Variants in PREPL observed in about 807,000 individuals in gnomAD.
PREPL encodes prolyl endopeptidase like, also known as prolyl endopeptidase-like.
Under a neutral mutation model 70.6 loss-of-function variants are expected in PREPL, and 77 were observed. The ratio of observed to expected loss-of-function variants is 1.09; its 90% CI spans 0.91 to 1.32. PREPL has a LOEUF of 1.32. Among genes scored for constraint, PREPL ranks in the 40% most tolerant of loss-of-function variants. The pLI, the probability that PREPL is intolerant of heterozygous loss-of-function variation, is 0.00. For synonymous variants in PREPL, 315 were observed against 264.8 expected (o/e 1.19, Z -1.84); for missense variants, 1,002 against 778.2 (o/e 1.29, Z -3.42).
At chr2:44,331,067 C>T (rs1674036604) in intron 8 of PREPL, among the ~76,000 whole-genome samples, 1 of 152,124 alleles carries the variant, frequency 6.6e-6, no homozygotes, top group Non-Finnish European at 1.5e-5. Flanking sequence ...ATCAGGTTCC[C>T]AAGAAGCAGG....
rs778714656 is a variant in PREPL at position 44,343,882 on chromosome 2, C to A, written c.212G>T (p.Cys71Phe). ...ELKLDQPFID[C>F]IRVAPDEKYV... ...TTTTTCATCTGGAGCAACTCTGATA[C>A]AATCAATGAAGGGCTGGTCTAACTT... Residue 71 changes from cysteine (C) to phenylalanine (F), a missense_variant, in exon 4 of 14, where the codon TGT becomes TTT. Coordinates refer to ENST00000409411, the MANE Select transcript of PREPL (RefSeq NM_001171613.2). The A allele has an allele frequency of 6.2e-7, 1 of 1,614,010 alleles. No individual in the cohort carries two copies. The highest frequency in any genetic ancestry group is 8.5e-7 in the Non-Finnish European group (1 of 1,179,968).
In PREPL at chr2:44,342,441, C is replaced by T; in HGVS notation, c.461G>A (p.Arg154His). ...ATFGDNKRNE[R>H]FYTEKDPSYF... ...CCTTGGGTCTTTTTCTGTGTAAAAG[C>T]GTTCATTACGTTTGTTATCACCAAA... The change falls in exon 5 of 14, where the codon CGC becomes CAC. Residue 154 changes from arginine to histidine, a missense_variant. Arg to His is a conservative substitution (Grantham distance 29, BLOSUM62 0). Coordinates refer to ENST00000409411, the MANE Select transcript of PREPL (RefSeq NM_001171613.2). 6 of 1,612,510 alleles carry T rather than the reference C, an allele frequency of 3.7e-6. No individual in the cohort carries two copies. Among genetic ancestry groups the T allele is most frequent in the Non-Finnish European group, 5.1e-6 (6 of 1,179,090 alleles).
At chr2:44,360,862 C>T (rs1010153202) in intron 1 of PREPL, among the ~76,000 whole-genome samples, 5 of 152,132 alleles carry the variant, frequency 3.3e-5, no homozygotes, top group African/African-American at 1.2e-4. Flanking sequence ...TTATGGAAGT[C>T]TTCCACAAAA....
rs1485730548 is a variant in PREPL, at chr2:44,342,835, T to C, written c.350-283A>G. On this transcript the variant is annotated intron_variant, in intron 4 of 13. Coordinates refer to ENST00000409411, the MANE Select transcript of PREPL (RefSeq NM_001171613.2). ...AAATGCTCAATATTTAGGAAAGACA[T>C]TGGTAAAGTCACATTTGCTTTTAGG... Among the ~76,000 whole-genome samples, 34 of 152,192 alleles carry C rather than the reference T, an allele frequency of 2.2e-4. 1 individual carries two copies. Among genetic ancestry groups the C allele is most frequent in the Admixed American group, 2.2e-3 (34 of 15,268 alleles).
intron 3 of PREPL, 23 bp from the exon 4 acceptor site, chr2:44,343,974 G>A (rs1397809112): frequency 1.1e-5 from 17 of 1,606,298 alleles, no homozygotes; most frequent in Middle Eastern, 1.7e-4. Context: ...AAATACGAAA[G>A]TGATAACTTC....
rs1672853740 is a variant in PREPL at position 44,320,624 on chromosome 2, G to A, written c.*732C>T. ...GCTATTCCAGTGTACTGAACATACT[G>A]TATACCTCGTGTTAGGCACCTTTAT... On this transcript the variant is annotated 3_prime_UTR_variant, in exon 14 of 14. Coordinates refer to ENST00000409411, the MANE Select transcript of PREPL (RefSeq NM_001171613.2). 1 of 1,613,640 alleles carries A rather than the reference G, an allele frequency of 6.2e-7. No individual in the cohort carries two copies. The highest frequency in any genetic ancestry group is 1.1e-5 in the South Asian group (1 of 91,054).
chr2:44,338,097 T>A (rs1674821710), intron 7 of PREPL, among the ~76,000 whole-genome samples: 1 of 152,146 alleles, frequency 6.6e-6, no homozygotes, highest in East Asian at 1.9e-4. Flanking sequence ...AGAGAAATAT[T>A]AGCACTCAAC....
chr2:44,345,648 C>T (rs961184417), intron 2 of PREPL, among the ~76,000 whole-genome samples: 2 of 151,696 alleles, frequency 1.3e-5, no homozygotes, highest in African/African-American at 4.9e-5. Flanking sequence ...GCACGCACAG[C>T]CCTCAATTCA....
In PREPL at chr2:44,342,500, C is replaced by T. The variant is rs769834327; in HGVS notation, c.402G>A (p.Arg134=). The T allele has an allele frequency of 1.2e-6, 2 of 1,612,118 alleles. No individual in the cohort carries two copies. Among genetic ancestry groups the T allele is most frequent in the South Asian group, 1.1e-5 (1 of 90,996 alleles). Residue 134 remains arginine (R), a synonymous_variant, in exon 5 of 14, where the codon AGG becomes AGA. Coordinates refer to ENST00000409411, the MANE Select transcript of PREPL (RefSeq NM_001171613.2). ...GATATACGTCATGACAGCGAAGGTT[C>T]CTCTGGAAGGTGTAGAATAAAACAT... ...DEDVLFYTFQ[R]NLRCHDVYRA...
At position 44,319,407 on chromosome 2, in the gene PREPL, T is replaced by A. The variant is rs958678045; in HGVS notation, c.*1949A>T. The stretch of plus-strand genomic sequence containing the variant: ...AAAAATGGGGGGAGGGGAATAAAAA[T>A]ACAAAATATTAGAAACACTATCGTC... On this transcript the variant is annotated 3_prime_UTR_variant, in exon 14 of 14. Coordinates refer to ENST00000409411, the MANE Select transcript of PREPL (RefSeq NM_001171613.2). The A allele has an allele frequency of 5.2e-5, 8 of 152,458 alleles. No homozygotes were observed. Among genetic ancestry groups the A allele is most frequent in the African/African-American group, 1.7e-4 (7 of 41,414 alleles). 9.4% of individuals were successfully genotyped at this position (152,458 alleles called of 1,614,324 possible).
In PREPL at chr2:44,321,177, G is replaced by A; in HGVS notation, c.*179C>T. On this transcript the variant is annotated 3_prime_UTR_variant, in exon 14 of 14. Coordinates refer to ENST00000409411, the MANE Select transcript of PREPL (RefSeq NM_001171613.2). ...TAGGTTAATGGGCATGTGCATCAAT[G>A]GAGAGAATAGTATAAGCAAGTGAGA... The A allele has an allele frequency of 3.4e-6, 2 of 596,832 alleles. No homozygotes were observed. Among genetic ancestry groups the A allele is most frequent in the Non-Finnish European group, 6.0e-6 (2 of 333,512 alleles). 37.0% of individuals were successfully genotyped at this position (596,832 alleles called of 1,614,324 possible).
At chr2:44,356,063 C>T (rs1558522321) in intron 1 of PREPL, among the ~76,000 whole-genome samples, 1 of 152,090 alleles carries the variant, frequency 6.6e-6, no homozygotes, top group Non-Finnish European at 1.5e-5. Context: ...AGAGTAAGTT[C>T]ATCTTGCCAT....
At chr2:44,357,913 A>G (rs544779179) in intron 1 of PREPL, among the ~76,000 whole-genome samples, 2 of 152,342 alleles carry the variant, frequency 1.3e-5, no homozygotes, top group African/African-American at 4.8e-5. Context: ...ATGAGTAAAG[A>G]AAGTACTAAA....
Position 44,323,301 on chromosome 2 carries a change from G to A in PREPL, c.1590C>T (p.Tyr530=). 6.2e-7 allele frequency: 1 copy of A among 1,607,716 alleles called. No individual in the cohort carries two copies. The highest frequency in any genetic ancestry group is 8.5e-7 in the Non-Finnish European group (1 of 1,175,284). Residue 530 remains tyrosine, a synonymous_variant, in exon 11 of 14, where the codon TAC becomes TAT. Transcript: ENST00000409411. The stretch of plus-strand genomic sequence containing the variant: ...TTTGATAGGGACAGTAACGTTTTAT[G>A]TAGTTCTTGTGTTTTTCATCAGATG... ...NPSSDEKHKN[Y]IKRYCPYQNI... is the part of the protein sequence containing the mutation.
At chr2:44,323,996 C>A (rs1334484310) in intron 10 of PREPL, among the ~76,000 whole-genome samples, 1 of 152,198 alleles carries the variant, frequency 6.6e-6, no homozygotes. Flanking sequence ...AGCATATTCA[C>A]AACAGCCAAA....
Position 44,321,888 on chromosome 2 carries a change from G to A in PREPL, c.1766C>T (p.Pro589Leu), listed in dbSNP as rs376119265. ...AGGCTGAATATCTAGAATAATATTA[G>A]GGGTCTGATAGCCTGGAAGAGTTAA... is the stretch of plus-strand genomic sequence containing the variant. ...AKDTGEGYQTPNIILDIQPGG... is the reference protein window; with the variant it reads ...AKDTGEGYQTLNIILDIQPGG... Residue 589 changes from proline to leucine, a missense_variant, in exon 13 of 14, where the codon CCT (proline) becomes CTT (leucine). Pro to Leu is a moderately conservative substitution (Grantham distance 98). Coordinates refer to ENST00000409411, the MANE Select transcript of PREPL (RefSeq NM_001171613.2). The A allele has an allele frequency of 6.2e-7, 1 of 1,613,214 alleles. No individual in the cohort carries two copies. The highest frequency in any genetic ancestry group is 8.5e-7 in the Non-Finnish European group (1 of 1,179,434).
rs1363656459 is a variant in PREPL, at chr2:44,321,823, A to G, written c.1827+4T>C. ...TGTCCACTGAGAGGGCCTTGATAAC[A>G]TACCTTTTTGTGAGAATCCTCAATT... On this transcript the variant is annotated splice_donor_region_variant and intron_variant, in intron 13 of 13. Transcript: ENST00000409411. 1.2e-6 allele frequency: 2 copies of G among 1,613,864 alleles called. No individual in the cohort carries two copies. The highest frequency in any genetic ancestry group is 1.7e-6 in the Non-Finnish European group (2 of 1,179,786).
At chr2:44,355,688 A>G (rs1676954807) in intron 1 of PREPL, among the ~76,000 whole-genome samples, 1 of 151,650 alleles carries the variant, frequency 6.6e-6, no homozygotes, top group African/African-American at 2.4e-5. Flanking sequence ...ACATTTTTCA[A>G]TAACATTCTA....
chr2:44,330,488 G>T (rs1572860633), intron 8 of PREPL, among the ~76,000 whole-genome samples: 1 of 152,164 alleles, frequency 6.6e-6, no homozygotes, highest in African/African-American at 2.4e-5. Context: ...AATACACTAA[G>T]TGGGTAACAA....
Sources: gnomAD v4.1 joint callset for allele counts (sites outside exome capture counted in the v4.1 genomes callset) on GRCh38, gnomAD v4.1.1 for gene constraint, MANE v1.5 for transcripts, NCBI Gene and HGNC (gene_info 2026-07-23, HGNC 2026-07-21) for gene names.